Variants in AHR observed in about 807,000 individuals in gnomAD.
The protein encoded by AHR is aryl hydrocarbon receptor.
A neutral mutation model predicts 86.8 loss-of-function variants in AHR; 40 were observed. That is an observed-to-expected ratio of 0.46 (90% CI 0.36 to 0.60). AHR has a LOEUF of 0.60. Among genes scored for constraint, AHR ranks in the 20% least tolerant of loss-of-function variants. AHR has a pLI of 0.00. For synonymous variants in AHR, 398 were observed against 354.9 expected (o/e 1.12, Z -1.37); for missense variants, 1,001 against 1,011.6 (o/e 0.99, Z 0.14).
chr7:17,342,945 A>G lies in AHR; in HGVS notation c.2428A>G (p.Thr810Ala), dbSNP rs1472820752. The G allele has an allele frequency of 2.5e-6, 4 of 1,612,822 alleles. No homozygotes were observed. Among genetic ancestry groups the G allele is most frequent in the African/African-American group, 2.7e-5 (2 of 74,880 alleles). Reference protein sequence around the residue: ...NKFQNGVLNETYPAELNNINN... With the variant: ...NKFQNGVLNEAYPAELNNINN... ...GTTTCAGAATGGAGTTTTAAATGAA[A>G]CATATCCAGCTGAATTAAATAACAT... The change falls in exon 11 of 11, where the codon ACA becomes GCA. Residue 810 changes from threonine (T) to alanine (A), a missense_variant. Thr to Ala is a moderately conservative substitution (Grantham distance 58, BLOSUM62 0). Coordinates refer to ENST00000242057, the MANE Select transcript of AHR (RefSeq NM_001621.5).
chr7:17,300,857 GA>G (rs1781948346), intron 1 of AHR, among the ~76,000 whole-genome samples: 1 of 152,026 alleles, frequency 6.6e-6, no homozygotes, highest in Non-Finnish European at 1.5e-5. Flanking sequence ...TGTATGGTGA[GA>G]AAACATGAAG....
At chr7:17,337,034 T>G (rs936641759) in intron 9 of AHR, among the ~76,000 whole-genome samples, 22 of 152,278 alleles carry the variant, frequency 1.4e-4, no homozygotes, top group Admixed American at 5.2e-4. Context: ...ACCCTCATCT[T>G]TTGCTATCTT....
intron 7 of AHR, 119 bp downstream of exon 7, chr7:17,334,233 C>A: frequency 2.3e-6 from 2 of 862,804 alleles, no homozygotes; most frequent in Non-Finnish European, 3.5e-6. Flanking sequence ...TGGCTATTAT[C>A]GTACATTCTT....
At chr7:17,304,594 G>A (rs571569334) in intron 1 of AHR, among the ~76,000 whole-genome samples, 18 of 152,156 alleles carry the variant, frequency 1.2e-4, no homozygotes, top group Admixed American at 9.8e-4. Flanking sequence ...GAAGTGTCTT[G>A]CCTGTATTTA....
chr7:17,307,427 C>T (rs1782016780), intron 1 of AHR, among the ~76,000 whole-genome samples: 1 of 152,066 alleles, frequency 6.6e-6, no homozygotes, highest in Non-Finnish European at 1.5e-5. Flanking sequence ...TCAGGGAGGA[C>T]TTCATGAAAG....
rs1781915787 is a variant in AHR at position 17,298,704 on chromosome 7, C to G, written c.-561C>G. The stretch of plus-strand genomic sequence containing the variant: ...TGTTCCGAGAGCGTGCCCCGGACCG[C>G]CAGCTCAGAACAGGGGCAGCCGTGT... On this transcript the variant is annotated 5_prime_UTR_variant, in exon 1 of 11. Transcript: ENST00000242057. 5.0e-6 allele frequency: 2 copies of G among 396,608 alleles called. No individual in the cohort carries two copies. Among genetic ancestry groups the G allele is most frequent in the Non-Finnish European group, 4.4e-6 (1 of 224,986 alleles). The allele number at this position is 396,608 out of a possible 1,614,324, so 24.6% of individuals were successfully genotyped here.
At chr7:17,331,196 A>T (rs1782284933) in intron 6 of AHR, among the ~76,000 whole-genome samples, 1 of 151,884 alleles carries the variant, frequency 6.6e-6, no homozygotes, top group South Asian at 2.1e-4. Flanking sequence ...GTTTAATTCT[A>T]CTGTTAGGCT....
intron 5 of AHR, 134 bp downstream of exon 5, chr7:17,330,209 G>A: frequency 1.2e-6 from 1 of 850,712 alleles, no homozygotes; most frequent in Non-Finnish European, 1.8e-6. Context: ...TGCAATCATA[G>A]GCCACAGCTA....
At chr7:17,318,348 G>C (rs887271746) in intron 2 of AHR, among the ~76,000 whole-genome samples, 1 of 152,106 alleles carries the variant, frequency 6.6e-6, no homozygotes, top group Non-Finnish European at 1.5e-5. Context: ...ATGGTTAAAT[G>C]CATGTGGGAA....
intron 1 of AHR, among the ~76,000 whole-genome samples, chr7:17,305,189 T>C (rs1781993168): frequency 6.6e-6 from 1 of 152,188 alleles, no homozygotes; most frequent in Non-Finnish European, 1.5e-5. Context: ...TCAGAAGTTT[T>C]TGTAGATGTT....
chr7:17,333,873 A>T, intron 6 of AHR, 39 bp from the exon 7 acceptor site: 2 of 1,547,772 alleles, frequency 1.3e-6, no homozygotes, highest in Non-Finnish European at 1.8e-6. Context: ...TTATATTGTT[A>T]ATTTTAATGA....
chr7:17,330,622 G>T, intron 5 of AHR, 134 bp from the exon 6 acceptor site: 1 of 701,410 alleles, frequency 1.4e-6, no homozygotes, highest in Non-Finnish European at 2.1e-6. Flanking sequence ...CTTGTCATTA[G>T]CTCTTTTGAA....
chr7:17,304,699 A>G (rs1420155467), intron 1 of AHR, among the ~76,000 whole-genome samples: 3 of 152,166 alleles, frequency 2.0e-5, no homozygotes, highest in East Asian at 3.8e-4. Context: ...GTTATAAAAT[A>G]TATTTCCTCC....
At chr7:17,322,069 C>G (rs1003426282) in intron 2 of AHR, among the ~76,000 whole-genome samples, 4 of 151,870 alleles carry the variant, frequency 2.6e-5, no homozygotes, top group Admixed American at 6.6e-5. Flanking sequence ...CACCAGTTCC[C>G]TAATATTTCA....
chr7:17,302,371 C>G (rs1781963634), intron 1 of AHR, among the ~76,000 whole-genome samples: 1 of 151,896 alleles, frequency 6.6e-6, no homozygotes, highest in Admixed American at 6.6e-5. Context: ...AAAGCATTGT[C>G]TTGCTATTCT....
Position 17,339,005 on chromosome 7 carries a change from C to G in AHR, c.1180C>G (p.His394Asp). 1.2e-6 allele frequency: 2 copies of G among 1,613,546 alleles called. No homozygotes were observed. The highest frequency in any genetic ancestry group is 1.7e-6 in the Non-Finnish European group (2 of 1,179,634). Residue 394 changes from histidine (H) to aspartate (D), a missense_variant, in exon 10 of 11, where the codon CAT becomes GAT. Physicochemically the swap from His to Asp is moderately conservative, Grantham distance 81. Transcript: ENST00000242057. ...RPLTDEEGTE[H>D]LRKRNTKLPF... ...TTTTAGAGATGAGGAAGGAACAGAG[C>G]ATTTACGAAAACGAAATACGAAGTT...
chr7:17,326,447 A>G (rs1048434667), intron 3 of AHR, among the ~76,000 whole-genome samples: 4 of 152,216 alleles, frequency 2.6e-5, no homozygotes, highest in African/African-American at 9.6e-5. Context: ...CTTAGCATAC[A>G]TATCTCCTCT....
At position 17,321,361 on chromosome 7, in the gene AHR, A is replaced by AT. The variant is rs567734856; in HGVS notation, c.254-1129dup. Among the ~76,000 whole-genome samples, 704 of 149,338 alleles carry AT rather than the reference A, an allele frequency of 4.7e-3. 1 individual carries two copies. The highest frequency in any genetic ancestry group is 7.9e-3 in the Non-Finnish European group (531 of 66,936). On this transcript the variant is annotated intron_variant, in intron 2 of 10. Transcript: ENST00000242057. ...ACAGCCCTGCAAGATGTGCTTTAAA[A>AT]TTTTTTTTTTTAATTACCACCTCAC...
chr7:17,339,263 C>T lies in AHR; in HGVS notation c.1438C>T (p.Pro480Ser), dbSNP rs760621138. 13 of 1,614,018 alleles carry T rather than the reference C, an allele frequency of 8.1e-6. No homozygotes were observed. Among genetic ancestry groups the T allele is most frequent in the Non-Finnish European group, 1.0e-5 (12 of 1,180,036 alleles). ...YPASSTSSTA[P>S]FENNFFNESM... ...TGCTTCAAGTACTTCAAGTACTGCA[C>T]CTTTTGAAAACAACTTTTTCAACGA... Residue 480 changes from proline (P) to serine (S), a missense_variant, in exon 10 of 11, where the codon CCT becomes TCT. Transcript: ENST00000242057.
Sources: allele counts gnomAD v4.1 joint callset (sites outside exome capture counted in the v4.1 genomes callset), GRCh38; gene constraint gnomAD v4.1.1; transcripts MANE v1.5; gene names NCBI Gene and HGNC (gene_info 2026-07-23, HGNC 2026-07-21).